The following PROSER3 variants were observed in gnomAD, a reference collection of about 807,000 sequenced individuals.
PROSER3 encodes proline and serine rich 3.
A neutral mutation model predicts 50.2 loss-of-function variants in PROSER3; 33 were observed. That is an observed-to-expected ratio of 0.66 (90% CI 0.50 to 0.88). The LOEUF is 0.88. Ranked by LOEUF, PROSER3 falls within the 40% of genes least tolerant of loss-of-function variation. The pLI is 0.00. For missense variants in PROSER3, 623 were observed against 612.7 expected (o/e 1.02, Z -0.18); for synonymous variants, 266 against 259.3 (o/e 1.03, Z -0.25).
intron 3 of PROSER3, among the ~76,000 whole-genome samples, 154 bp downstream of exon 3, chr19:35,760,145 T>G (rs981770716): frequency 6.6e-6 from 1 of 152,246 alleles, no homozygotes; most frequent in Non-Finnish European, 1.5e-5. Context: ...CTAGACTGCC[T>G]GAGTTCAAAT....
exon 3 of PROSER3, chr19:35,759,886 G>C (rs1395614435): frequency 6.3e-7 from 1 of 1,592,896 alleles, no homozygotes; most frequent in African/African-American, 1.3e-5. Context: ...GAGGAGTCCT[G>C]GCCATCCAGT....
exon 9 of PROSER3, chr19:35,768,061 A>G (rs1478884047): frequency 1.3e-6 from 2 of 1,583,836 alleles, no homozygotes; most frequent in Non-Finnish European, 1.7e-6. Flanking sequence ...TGCAGGCTGC[A>G]GAAGGTGATG....
exon 10 of PROSER3, chr19:35,768,162 C>T (rs1048322870): frequency 4.3e-6 from 7 of 1,613,128 alleles, no homozygotes; most frequent in African/African-American, 2.7e-5. Flanking sequence ...CAGACTCCGA[C>T]GGCAGCGAGT....
rs1022336901 is a variant in PROSER3, at chr19:35,768,394, C to A, written c.1302-10C>A. On this transcript the variant is annotated splice_polypyrimidine_tract_variant and intron_variant, in intron 10 of 10. Coordinates refer to ENST00000396908, the Ensembl canonical transcript of PROSER3. ...ATACCCCAGCCTCTGCTCTCCCGGC[C>A]TTTCTCCAGGGAAGCGGATGCCCGA... is the stretch of plus-strand genomic sequence containing the variant. 2.7e-5 allele frequency: 43 copies of A among 1,593,958 alleles called. No individual in the cohort carries two copies. The African/African-American group carries it at 4.7e-4, about 17-fold the overall frequency.
chr19:35,759,866 T>A (rs377411524), exon 3 of PROSER3: 256 of 1,584,188 alleles, frequency 1.6e-4, no homozygotes, highest in Non-Finnish European at 2.1e-4. Flanking sequence ...CCAACTCCCC[T>A]GAGCTGTTTG....
downstream of PROSER3, chr19:35,769,790 G>T (rs1971286786): frequency 6.6e-6 from 1 of 152,282 alleles, no homozygotes; most frequent in Admixed American, 6.5e-5. Flanking sequence ...TAGTACAATG[G>T]CATGATCTCG....
At chr19:35,759,974 G>A (rs374844652) in exon 3 of PROSER3, 28 of 1,596,166 alleles carry the variant, frequency 1.8e-5, no homozygotes, top group African/African-American at 5.4e-5. Flanking sequence ...TTGACAGCGG[G>A]GACTCCGTGG....
At chr19:35,758,391 A>G (rs991617876) in intron 1 of PROSER3, 165 bp downstream of exon 1, 25 of 870,910 alleles carry the variant, frequency 2.9e-5, no homozygotes, top group Non-Finnish European at 3.6e-5. Context: ...CTCCAGCCGT[A>G]GCCGTTAGCA....
At chr19:35,769,856 G>A (rs1173994555), downstream of PROSER3, 1 of 152,248 alleles carries the variant, frequency 6.6e-6, no homozygotes, top group Non-Finnish European at 1.5e-5. Context: ...TCAGCCTTCT[G>A]AGTAGCTGGG....
chr19:35,767,733 C>G (rs1346203856), intron 8 of PROSER3: 19 of 1,536,840 alleles, frequency 1.2e-5, no homozygotes, highest in Admixed American at 3.8e-5. Flanking sequence ...GCTGGATCTC[C>G]GAAAGTCCAG....
At chr19:35,765,870 A>G (rs184140254) in intron 7 of PROSER3, among the ~76,000 whole-genome samples, 1 of 152,282 alleles carries the variant, frequency 6.6e-6, no homozygotes, top group Admixed American at 6.5e-5. Flanking sequence ...TAGGGAAGCC[A>G]GGGAAGGTGA....
chr19:35,770,410 A>T (rs1467888358), downstream of PROSER3, among the ~76,000 whole-genome samples: 2 of 145,848 alleles, frequency 1.4e-5, no homozygotes, highest in East Asian at 4.2e-4. Context: ...CTAGGCTGTC[A>T]TCACCTCCTC....
At chr19:35,767,119 T>A in intron 8 of PROSER3, 1 of 927,930 alleles carries the variant, frequency 1.1e-6, no homozygotes, top group Non-Finnish European at 1.6e-6. Flanking sequence ...GGACCCAGCC[T>A]AACCATGTCC....
chr19:35,759,590 C>T (rs1172994133), intron 2 of PROSER3, 120 bp downstream of exon 2: 4 of 1,062,880 alleles, frequency 3.8e-6, no homozygotes, highest in East Asian at 2.6e-5. Context: ...AGCCCCTTGT[C>T]CCCTCCCCAC....
At chr19:35,767,836 C>CGCAGCGGGGTCAGTG in exon 9 of PROSER3, 1 of 1,613,152 alleles carries the variant, frequency 6.2e-7, no homozygotes, top group Non-Finnish European at 8.5e-7. Context: ...CCTTGCCGCC[C>CGCAGCGGGGTCAGTG]GCAGCGGGGT....
At chr19:35,764,212 T>C (rs1971060994) in intron 5 of PROSER3, among the ~76,000 whole-genome samples, 1 of 152,108 alleles carries the variant, frequency 6.6e-6, no homozygotes, top group South Asian at 2.1e-4. Context: ...AGTGGGGGCT[T>C]TTCGAATTGC....
chr19:35,767,999 G>A (rs761081667), exon 9 of PROSER3: 5 of 1,590,794 alleles, frequency 3.1e-6, no homozygotes, highest in Non-Finnish European at 3.4e-6. Flanking sequence ...GCCCCCGCCC[G>A]CTGCTGACCA....
At chr19:35,767,725 T>G (rs1236510615) in intron 8 of PROSER3, 1 of 1,523,080 alleles carries the variant, frequency 6.6e-7, no homozygotes, top group East Asian at 2.3e-5. Context: ...CACCCAAGGC[T>G]GGATCTCCGA....
chr19:35,765,329 G>A (rs575516357), intron 7 of PROSER3, among the ~76,000 whole-genome samples, 153 bp downstream of exon 7: 36 of 152,330 alleles, frequency 2.4e-4, no homozygotes, highest in Middle Eastern at 6.8e-3. Flanking sequence ...CATGGAGGCC[G>A]AGGCGGGCAG....
Sources: allele counts gnomAD v4.1 joint callset (sites outside exome capture counted in the v4.1 genomes callset), GRCh38; gene constraint gnomAD v4.1.1; transcripts MANE v1.5; gene names NCBI Gene and HGNC (gene_info 2026-07-23, HGNC 2026-07-21).